Variants in LYPLAL1 observed in about 807,000 individuals in gnomAD.
LYPLAL1 encodes lysophospholipase like 1.
Under a neutral mutation model 19.7 loss-of-function variants are expected in LYPLAL1, and 23 were observed. The observed-to-expected ratio is 1.17, with a 90% CI of 0.84 to 1.65. The LOEUF (loss-of-function observed/expected upper bound fraction) is 1.65. Ranked by LOEUF, LYPLAL1 falls within the 40% of genes most tolerant of loss-of-function variation. The pLI, the probability that LYPLAL1 is intolerant of heterozygous loss-of-function variation, is 0.00. For missense variants in LYPLAL1, 355 were observed against 279.4 expected, an observed-to-expected ratio of 1.27 and a Z score of -1.93; for synonymous variants, 119 against 96.3, an observed-to-expected ratio of 1.24 and a Z score of -1.38.
At chr1:219,243,081 G>A in the LYPLAL1 span, among the ~76,000 whole-genome samples, 1 of 152,064 alleles carries the variant, frequency 6.6e-6, no homozygotes, top group Non-Finnish European at 1.5e-5. Flanking sequence ...TTGGCCACAG[G>A]TTTTTACTCC....
At chr1:219,256,856 G>A in the LYPLAL1 span, among the ~76,000 whole-genome samples, 1 of 151,794 alleles carries the variant, frequency 6.6e-6, no homozygotes, top group Non-Finnish European at 1.5e-5. Context: ...CCAACCTTTT[G>A]GGAATTTTCT....
At chr1:219,375,801 G>GCGC in the LYPLAL1 span, among the ~76,000 whole-genome samples, 2 of 148,878 alleles carry the variant, frequency 1.3e-5, no homozygotes, top group Non-Finnish European at 1.5e-5. Flanking sequence ...GAGTACAGTG[G>GCGC]CGCGATCTCA....
chr1:219,393,814 A>G, the LYPLAL1 span, among the ~76,000 whole-genome samples: 3 of 151,324 alleles, frequency 2.0e-5, no homozygotes, highest in Non-Finnish European at 4.4e-5. Context: ...TGAAACATTG[A>G]TCACTAAACA....
the LYPLAL1 span, among the ~76,000 whole-genome samples, chr1:219,386,926 A>C: frequency 6.6e-6 from 1 of 152,144 alleles, no homozygotes; most frequent in Non-Finnish European, 1.5e-5. Context: ...AGCCATACAA[A>C]CCAGTGCTAT....
At chr1:219,382,555 G>A in the LYPLAL1 span, among the ~76,000 whole-genome samples, 1 of 152,010 alleles carries the variant, frequency 6.6e-6, no homozygotes, top group African/African-American at 2.4e-5. Flanking sequence ...GTAGAGACAG[G>A]GTTTCACCGT....
At chr1:219,324,115 A>T in the LYPLAL1 span, among the ~76,000 whole-genome samples, 4 of 152,202 alleles carry the variant, frequency 2.6e-5, no homozygotes, top group African/African-American at 9.7e-5. Flanking sequence ...GTGTGCATTT[A>T]TTCTTTACCC....
the LYPLAL1 span, among the ~76,000 whole-genome samples, chr1:219,233,116 A>G: frequency 2.6e-5 from 4 of 152,228 alleles, no homozygotes; most frequent in African/African-American, 9.6e-5. Context: ...AAGCAACCCA[A>G]ATGTCCATCA....
chr1:219,235,498 T>C, the LYPLAL1 span, among the ~76,000 whole-genome samples: 1 of 152,194 alleles, frequency 6.6e-6, no homozygotes, highest in Non-Finnish European at 1.5e-5. Context: ...CAATGCACTT[T>C]TAATATTTCA....
chr1:219,418,782 A>G, the LYPLAL1 span, among the ~76,000 whole-genome samples: 1 of 152,164 alleles, frequency 6.6e-6, no homozygotes, highest in Admixed American at 6.5e-5. Context: ...CAAAAATCCT[A>G]TGTGCTCTGC....
chr1:219,179,229 T>A lies in LYPLAL1; in HGVS notation c.174T>A (p.Tyr58Ter). 6.2e-7 allele frequency: 1 copy of A among 1,608,906 alleles called. No individual in the cohort carries two copies. The highest frequency in any genetic ancestry group is 8.5e-7 in the Non-Finnish European group (1 of 1,176,430). ...DLTFQHIKII[Y>*]PTAPPRSYTP... ...CATTCCAACACATAAAAATTATTTA[T>A]CCAACAGCTCCTCCCAGGTATGCAG... is the stretch of plus-strand genomic sequence containing the variant. Residue 58 changes from tyrosine to a stop codon, truncating the protein, a stop_gained, in exon 2 of 5, where the codon TAT becomes TAA. Coordinates refer to ENST00000366928, the MANE Select transcript of LYPLAL1 (RefSeq NM_138794.5). LOFTEE classifies it high-confidence loss of function.
At chr1:219,202,964 C>T (rs1196838359) in intron 3 of LYPLAL1, among the ~76,000 whole-genome samples, 1 of 151,992 alleles carries the variant, frequency 6.6e-6, no homozygotes, top group East Asian at 1.9e-4. Context: ...GGTATTATAC[C>T]TGTGAACCAC....
chr1:219,236,455 T>A, the LYPLAL1 span, among the ~76,000 whole-genome samples: 1 of 152,258 alleles, frequency 6.6e-6, no homozygotes, highest in Non-Finnish European at 1.5e-5. Context: ...ATCAGACCTC[T>A]TGTTAATTTC....
In LYPLAL1 at chr1:219,210,569, A is replaced by G; in HGVS notation, c.399A>G (p.Leu133=). Residue 133 remains leucine, a synonymous_variant, in exon 4 of 5, where the codon TTA becomes TTG. Transcript: ENST00000366928. ...FSMGGCMAIH[L]AYRNHQDVAG... is the part of the protein sequence containing the mutation. Reference sequence around the variant, plus strand: ...TGGGAGGATGCATGGCAATACATTTAGCATATAGAAATCATCAAGATGTGG... The same window carrying G: ...TGGGAGGATGCATGGCAATACATTTGGCATATAGAAATCATCAAGATGTGG... The G allele has an allele frequency of 6.2e-7, 1 of 1,609,814 alleles. No individual in the cohort carries two copies.
At chr1:219,210,717 G>A (rs1211085481) in intron 4 of LYPLAL1, 70 bp downstream of exon 4, 41 of 1,415,384 alleles carry the variant, frequency 2.9e-5, no homozygotes, top group South Asian at 4.2e-5. Context: ...AAGCAAAATC[G>A]GTAATAAAGC....
At chr1:219,239,854 T>C in the LYPLAL1 span, among the ~76,000 whole-genome samples, 1 of 152,244 alleles carries the variant, frequency 6.6e-6, no homozygotes, top group Non-Finnish European at 1.5e-5. Context: ...GTTCAGTTGC[T>C]CATTTTTATG....
chr1:219,240,255 ATATAACT>A, the LYPLAL1 span, among the ~76,000 whole-genome samples: 1 of 152,192 alleles, frequency 6.6e-6, no homozygotes, highest in African/African-American at 2.4e-5. Flanking sequence ...GCCTAGAGAA[ATATAACT>A]TATAAATATC....
At chr1:219,441,568 A>G in the LYPLAL1 span, among the ~76,000 whole-genome samples, 1 of 152,236 alleles carries the variant, frequency 6.6e-6, no homozygotes, top group South Asian at 2.1e-4. Context: ...TGAAAAAGAT[A>G]TTGAATAGCT....
the LYPLAL1 span, among the ~76,000 whole-genome samples, chr1:219,412,566 A>C: frequency 6.6e-6 from 1 of 152,160 alleles, no homozygotes; most frequent in African/African-American, 2.4e-5. Flanking sequence ...TTAATGGGTA[A>C]ATGTCTGCTA....
the LYPLAL1 span, among the ~76,000 whole-genome samples, chr1:219,305,087 A>G: frequency 2.0e-5 from 3 of 152,206 alleles, no homozygotes; most frequent in Non-Finnish European, 4.4e-5. Context: ...AAGTTGTGCC[A>G]TGTCACTGAG....
Sources: gnomAD v4.1 joint callset for allele counts (sites outside exome capture counted in the v4.1 genomes callset) on GRCh38, gnomAD v4.1.1 for gene constraint, MANE v1.5 for transcripts, NCBI Gene and HGNC (gene_info 2026-07-23, HGNC 2026-07-21) for gene names.